The following KHDRBS2 variants were observed in gnomAD, a reference collection of about 807,000 sequenced individuals.
KHDRBS2 encodes KH domain-containing, RNA-binding, signal transduction-associated protein 2.
Under a neutral mutation model 44.3 loss-of-function variants are expected in KHDRBS2, and 26 were observed. The observed-to-expected ratio is 0.59, with a 90% CI of 0.43 to 0.81. KHDRBS2 has a LOEUF of 0.81. KHDRBS2 is among the 40% of genes least tolerant of loss of function. The pLI is 0.00. For synonymous variants in KHDRBS2, 194 were observed against 151.1 expected (o/e 1.28, Z -2.08); for missense variants, 476 against 433.1 (o/e 1.10, Z -0.88).
At chr6:61,860,824 C>G (rs537412722) in intron 6 of KHDRBS2, among the ~76,000 whole-genome samples, 3 of 152,166 alleles carry the variant, frequency 2.0e-5, no homozygotes, top group African/African-American at 7.2e-5. Context: ...AACTAATTTA[C>G]TCTCCCACCA....
rs1416637534 is a variant in KHDRBS2, at chr6:62,247,384, A to G, written c.91+38474T>C. On this transcript the variant is annotated intron_variant, in intron 1 of 8. Transcript: ENST00000281156. ...TACTAGTGCGCCAGCCTAGCACCAAAGAGAGTATATACTTATACTGTATCT... is the reference window on the plus strand; with the variant it reads ...TACTAGTGCGCCAGCCTAGCACCAAGGAGAGTATATACTTATACTGTATCT... Among the ~76,000 whole-genome samples, 3 of 151,880 alleles carry G rather than the reference A, an allele frequency of 2.0e-5. No homozygotes were observed. The East Asian group carries it at 5.9e-4, about 30-fold the overall frequency.
intron 1 of KHDRBS2, among the ~76,000 whole-genome samples, chr6:62,191,521 C>T (rs1824608210): frequency 6.6e-6 from 1 of 152,072 alleles, no homozygotes; most frequent in South Asian, 2.1e-4. Context: ...GTGTTTTCCT[C>T]ATTAGACTAT....
At chr6:61,977,125 C>T (rs1293063106) in intron 4 of KHDRBS2, among the ~76,000 whole-genome samples, 1 of 152,088 alleles carries the variant, frequency 6.6e-6, no homozygotes, top group Non-Finnish European at 1.5e-5. Context: ...TTCTTAAAAT[C>T]ACTGCCAATC....
intron 4 of KHDRBS2, among the ~76,000 whole-genome samples, chr6:61,946,065 C>A (rs1813316830): frequency 6.6e-6 from 1 of 152,144 alleles, no homozygotes; most frequent in Non-Finnish European, 1.5e-5. Context: ...ATCTCTTTTA[C>A]ACAAGTACAT....
chr6:61,600,769 T>C, the KHDRBS2 span, among the ~76,000 whole-genome samples: 2 of 152,146 alleles, frequency 1.3e-5, no homozygotes, highest in Non-Finnish European at 2.9e-5. Context: ...ATCTCACCAA[T>C]TTTAAATAGG....
chr6:61,974,531 T>C lies in KHDRBS2; in HGVS notation c.483+3535A>G, dbSNP rs540216743. 5.2e-4 allele frequency among the ~76,000 whole-genome samples: 79 copies of C among 152,228 alleles called. 1 individual carries two copies. The highest frequency in any genetic ancestry group is 6.8e-3 in the Middle Eastern group (2 of 294). ...TATTTTTAAGATAAATAATCAAATA[T>C]AATGAAAACTTTAATACTTCACCTC... On this transcript the variant is annotated intron_variant, in intron 4 of 8. Transcript: ENST00000281156.
the KHDRBS2 span, among the ~76,000 whole-genome samples, chr6:61,658,419 C>T: frequency 2.0e-5 from 3 of 151,678 alleles, no homozygotes; most frequent in African/African-American, 4.8e-5. Context: ...ACTTTCTGTC[C>T]ACATCTGACC....
chr6:62,213,374 G>A (rs947333511), intron 1 of KHDRBS2, among the ~76,000 whole-genome samples: 1 of 152,050 alleles, frequency 6.6e-6, no homozygotes, highest in African/African-American at 2.4e-5. Flanking sequence ...GAGAATAGGG[G>A]TCTGTGGATC....
At chr6:61,604,743 A>G in the KHDRBS2 span, among the ~76,000 whole-genome samples, 1 of 152,176 alleles carries the variant, frequency 6.6e-6, no homozygotes, top group Non-Finnish European at 1.5e-5. Context: ...GACTTTACTT[A>G]CATGCCCTGA....
the KHDRBS2 span, among the ~76,000 whole-genome samples, chr6:61,622,101 C>G: frequency 1.3e-5 from 2 of 152,286 alleles, no homozygotes; most frequent in African/African-American, 4.8e-5. Flanking sequence ...TTTTGACCTA[C>G]AGGAACTTTA....
chr6:61,563,030 G>A, the KHDRBS2 span, among the ~76,000 whole-genome samples: 2 of 152,076 alleles, frequency 1.3e-5, no homozygotes, highest in Non-Finnish European at 2.9e-5. Flanking sequence ...TAATAAGAGT[G>A]CTTCCTATCA....
chr6:61,731,392 T>C (rs888500518), intron 7 of KHDRBS2, among the ~76,000 whole-genome samples: 5 of 152,078 alleles, frequency 3.3e-5, no homozygotes, highest in African/African-American at 9.6e-5. Flanking sequence ...TCAGCGATGG[T>C]CATTTCTACA....
intron 3 of KHDRBS2, among the ~76,000 whole-genome samples, chr6:61,985,080 G>A (rs1470895908): frequency 6.6e-6 from 1 of 152,060 alleles, no homozygotes; most frequent in Admixed American, 6.5e-5. Flanking sequence ...ACTGGATAAC[G>A]GTATGGGCAG....
chr6:61,587,264 A>G, the KHDRBS2 span, among the ~76,000 whole-genome samples: 1 of 152,114 alleles, frequency 6.6e-6, no homozygotes, highest in Non-Finnish European at 1.5e-5. Flanking sequence ...CATGCGTATG[A>G]ATTGTGTTGT....
intron 6 of KHDRBS2, among the ~76,000 whole-genome samples, chr6:61,836,953 G>A (rs1482316241): frequency 1.3e-5 from 2 of 151,828 alleles, no homozygotes; most frequent in Non-Finnish European, 2.9e-5. Flanking sequence ...ATAAATTGGT[G>A]GAAATATGAA....
At chr6:62,201,993 CTAAG>C (rs1178553576) in intron 1 of KHDRBS2, among the ~76,000 whole-genome samples, 1 of 151,986 alleles carries the variant, frequency 6.6e-6, no homozygotes, top group South Asian at 2.1e-4. Flanking sequence ...GTTGAAAACT[CTAAG>C]TAATTACTTA....
intron 2 of KHDRBS2, among the ~76,000 whole-genome samples, chr6:62,103,101 A>T (rs369475135): frequency 5.2e-4 from 79 of 152,222 alleles, no homozygotes; most frequent in African/African-American, 1.8e-3. Context: ...GCCTGGAAAA[A>T]GTACCATCCA....
At chr6:62,268,954 CCTT>C (rs1839643747) in intron 1 of KHDRBS2, among the ~76,000 whole-genome samples, 1 of 151,954 alleles carries the variant, frequency 6.6e-6, no homozygotes, top group Non-Finnish European at 1.5e-5. Flanking sequence ...TAAACACAAA[CCTT>C]CATTGTATTT....
At chr6:61,640,335 T>C in the KHDRBS2 span, among the ~76,000 whole-genome samples, 1 of 152,056 alleles carries the variant, frequency 6.6e-6, no homozygotes, top group Non-Finnish European at 1.5e-5. Flanking sequence ...TAAAGTAAAA[T>C]GCCGTAGAAT....
Sources: allele counts gnomAD v4.1 joint callset (sites outside exome capture counted in the v4.1 genomes callset), GRCh38; gene constraint gnomAD v4.1.1; transcripts MANE v1.5; gene names NCBI Gene and HGNC (gene_info 2026-07-23, HGNC 2026-07-21).